TMEM52B: variants seen among roughly 807,000 people sequenced by gnomAD.
TMEM52B encodes chromosome 12 open reading frame 59.
TMEM52B carries 11 observed loss-of-function variants against 16.1 expected under a neutral mutation model. That is an observed-to-expected ratio of 0.68 (90% CI 0.43 to 1.13). TMEM52B has a LOEUF of 1.13. Among genes scored for constraint, TMEM52B ranks in the 50% most tolerant of loss-of-function variants. TMEM52B has a pLI of 0.00. For synonymous variants in TMEM52B, 101 were observed against 93.8 expected (o/e 1.08, Z -0.45); for missense variants, 243 against 230.4 (o/e 1.05, Z -0.35).
upstream of TMEM52B, among the ~76,000 whole-genome samples, chr12:10,174,283 G>C (rs897320622): frequency 2.7e-4 from 41 of 152,128 alleles, no homozygotes; most frequent in Non-Finnish European, 1.9e-4. Context: ...GGCTGGTCTT[G>C]AACTCCTGTC....
At chr12:10,180,462 C>T (rs923676038) in intron 1 of TMEM52B, among the ~76,000 whole-genome samples, 1 of 152,110 alleles carries the variant, frequency 6.6e-6, no homozygotes, top group Admixed American at 6.6e-5. Flanking sequence ...GCTTCTCTTA[C>T]CTTTAGTGAA....
intron 4 of TMEM52B, among the ~76,000 whole-genome samples, chr12:10,187,733 T>C (rs970664660): frequency 6.6e-6 from 1 of 152,132 alleles, no homozygotes; most frequent in Non-Finnish European, 1.5e-5. Context: ...GCCTGGACTA[T>C]GCTCTTTCCT....
chr12:10,171,524 G>A (rs1352821001), intron 1 of TMEM52B, among the ~76,000 whole-genome samples: 1 of 152,228 alleles, frequency 6.6e-6, no homozygotes, highest in Admixed American at 6.5e-5. Flanking sequence ...TGTAGTGCCT[G>A]AAGGACTCTT....
chr12:10,179,547 G>A lies in TMEM52B; in HGVS notation c.-28G>A. 3.1e-6 allele frequency: 5 copies of A among 1,614,100 alleles called. No individual in the cohort carries two copies. Among genetic ancestry groups the A allele is most frequent in the Non-Finnish European group, 4.2e-6 (5 of 1,179,938 alleles). On this transcript the variant is annotated 5_prime_UTR_variant, in exon 1 of 5. Transcript: ENST00000543484. ...AGGAGGCAACGGATGCCCAGTGCAA[G>A]ATTCTGAAGAAGCAGGAATTCAGCC...
chr12:10,172,166 T>C (rs148029759), intron 1 of TMEM52B: 2 of 823,526 alleles, frequency 2.4e-6, no homozygotes, highest in East Asian at 5.0e-5. Flanking sequence ...AGTATTTAAA[T>C]AGCTACTGTT....
At chr12:10,179,919 G>A (rs1008370096) in intron 1 of TMEM52B, among the ~76,000 whole-genome samples, 4 of 152,156 alleles carry the variant, frequency 2.6e-5, no homozygotes, top group Non-Finnish European at 2.9e-5. Flanking sequence ...ATCTCTTTTA[G>A]CATCTTATCA....
rs1461374354 is a variant in TMEM52B, at chr12:10,182,221, A to G, written c.55-329A>G. On this transcript the variant is annotated intron_variant, in intron 1 of 4. Coordinates refer to ENST00000543484, the MANE Select transcript of TMEM52B (RefSeq NM_001384896.1). Reference sequence around the variant, plus strand: ...CAACTGGGCAGGAATTAGGAGGACAATGGCAATATCCCAAGGGACAGAGAG... The same window carrying G: ...CAACTGGGCAGGAATTAGGAGGACAGTGGCAATATCCCAAGGGACAGAGAG... 1.1e-5 allele frequency: 11 copies of G among 985,150 alleles called. No individual in the cohort carries two copies. In the South Asian group the frequency reaches 3.8e-4, roughly 34 times the overall value. The allele number at this position is 985,150 out of a possible 1,614,324, so 61.0% of individuals were successfully genotyped here.
Position 10,191,374 on chromosome 12 carries a change from C to A in TMEM52B, c.*1234C>A, listed in dbSNP as rs1948956697. 6.6e-6 allele frequency: 1 copy of A among 152,136 alleles called. No individual in the cohort carries two copies. The highest frequency in any genetic ancestry group is 1.5e-5 in the Non-Finnish European group (1 of 68,078). The allele number at this position is 152,136 out of a possible 1,614,324, so 9.4% of individuals were successfully genotyped here. A position where few individuals can be genotyped will look rare whatever the true frequency, so the allele number is the denominator to read the frequency against. ...TAGCTGGGATTACAGCTGCCTGCCACCGTGCCCAGCTAATTTTTGTATTTT... is the reference window on the plus strand; with the variant it reads ...TAGCTGGGATTACAGCTGCCTGCCAACGTGCCCAGCTAATTTTTGTATTTT... On this transcript the variant is annotated 3_prime_UTR_variant, in exon 5 of 5. Coordinates refer to ENST00000543484, the MANE Select transcript of TMEM52B (RefSeq NM_001384896.1).
chr12:10,177,646 T>G (rs1229962651), upstream of TMEM52B, among the ~76,000 whole-genome samples: 2 of 151,598 alleles, frequency 1.3e-5, no homozygotes, highest in Non-Finnish European at 2.9e-5. Context: ...GGCAGGTGTC[T>G]ATAATCCCAG....
rs190704935 is a variant in TMEM52B at position 10,189,999 on chromosome 12, G to A, written c.411G>A (p.Gly137=). ...CCTCCTCTTTGGACACCCTCCCAGG[G>A]TATGAAGAAGCTCTTCACATGAGTC... ...QLPSSLDTLP[G]YEEALHMSRF... is the part of the protein sequence containing the mutation. The change falls in exon 5 of 5, where the codon GGG becomes GGA. Residue 137 remains glycine, a synonymous_variant. Coordinates refer to ENST00000543484, the MANE Select transcript of TMEM52B (RefSeq NM_001384896.1). 10 of 1,614,016 alleles carry A rather than the reference G, an allele frequency of 6.2e-6. No individual in the cohort carries two copies. In the South Asian group the frequency reaches 6.6e-5, roughly 11 times the overall value.
chr12:10,187,099 G>GTTTTTTTTTTTTTTTTTTTT (rs71049057), intron 4 of TMEM52B, among the ~76,000 whole-genome samples: 1 of 82,180 alleles, frequency 1.2e-5, no homozygotes, highest in Non-Finnish European at 2.2e-5. Context: ...TTCCATGACG[G>GTTTTTTTTTTTTTTTTTTTT]TTTTTTTTTT....
rs201774853 is a variant in TMEM52B at position 10,189,926 on chromosome 12, G to A, written c.338G>A (p.Arg113Gln). ...SLQSVFGPAARRILAVAHSHS... is the reference protein window; with the variant it reads ...SLQSVFGPAAQRILAVAHSHS... Reference sequence around the variant, plus strand: ...CAGTCGGTGTTTGGCCCTGCAGCTCGGAGGATCCTGGCTGTGGCTCACTCC... The same window carrying A: ...CAGTCGGTGTTTGGCCCTGCAGCTCAGAGGATCCTGGCTGTGGCTCACTCC... Residue 113 changes from arginine to glutamine, a missense_variant, in exon 5 of 5, where the codon CGG becomes CAG. Physicochemically the swap from Arg to Gln is conservative, Grantham distance 43. Coordinates refer to ENST00000543484, the MANE Select transcript of TMEM52B (RefSeq NM_001384896.1). 239 of 1,614,026 alleles carry A rather than the reference G, an allele frequency of 1.5e-4. No homozygotes were observed. Among genetic ancestry groups the A allele is most frequent in the Admixed American group, 3.7e-4 (22 of 59,998 alleles).
At chr12:10,183,570 A>G (rs1948847150) in intron 2 of TMEM52B, among the ~76,000 whole-genome samples, 1 of 152,186 alleles carries the variant, frequency 6.6e-6, no homozygotes, top group Non-Finnish European at 1.5e-5. Flanking sequence ...AAATAACAAA[A>G]TTTACTACTC....
chr12:10,179,647 A>C lies in TMEM52B; in HGVS notation c.54+19A>C. On this transcript the variant is annotated intron_variant, in intron 1 of 4. Transcript: ENST00000543484. ...CATCCTGGTGAGTTCAGTGGTGAAA[A>C]GGCAGAAAGAGTATTTTTCCCCAGA... 2 of 1,614,044 alleles carry C rather than the reference A, an allele frequency of 1.2e-6. No homozygotes were observed. Among genetic ancestry groups the C allele is most frequent in the Non-Finnish European group, 1.7e-6 (2 of 1,179,920 alleles).
At chr12:10,189,401 A>C (rs1364777636) in intron 4 of TMEM52B, among the ~76,000 whole-genome samples, 1 of 151,948 alleles carries the variant, frequency 6.6e-6, no homozygotes, top group African/African-American at 2.4e-5. Flanking sequence ...AGGCGGGTGG[A>C]TCACCTGAGG....
intron 1 of TMEM52B, chr12:10,172,271 T>A (rs993859062): frequency 1.2e-4 from 61 of 515,992 alleles, no homozygotes; most frequent in Non-Finnish European, 4.2e-5. Flanking sequence ...GAGTTATGTG[T>A]ATTGCAGGTG....
intron 2 of TMEM52B, 77 bp downstream of exon 2, chr12:10,182,670 A>G (rs1948838023): frequency 2.9e-6 from 4 of 1,361,988 alleles, no homozygotes; most frequent in Middle Eastern, 1.8e-4. Flanking sequence ...TCAAGATGTC[A>G]TTAGACATCT....
At chr12:10,177,093 T>C (rs980113757), upstream of TMEM52B, among the ~76,000 whole-genome samples, 1 of 152,156 alleles carries the variant, frequency 6.6e-6, no homozygotes, top group Admixed American at 6.5e-5. Context: ...GTTGTATGAA[T>C]GGGAACGTTA....
At chr12:10,185,005 C>T (rs1948864857) in intron 2 of TMEM52B, among the ~76,000 whole-genome samples, 1 of 152,178 alleles carries the variant, frequency 6.6e-6, no homozygotes. Context: ...AGGCACCGCA[C>T]CTGGCCCTTT....
Sources: gnomAD v4.1 joint callset for allele counts (sites outside exome capture counted in the v4.1 genomes callset) on GRCh38, gnomAD v4.1.1 for gene constraint, MANE v1.5 for transcripts, NCBI Gene and HGNC (gene_info 2026-07-23, HGNC 2026-07-21) for gene names.